The following LAMA1 variants were observed in gnomAD, a reference collection of about 807,000 sequenced individuals.
LAMA1 encodes the protein laminin subunit alpha 1.
In LAMA1, 219 loss-of-function variants were observed where a neutral mutation model predicts 348.7. The observed-to-expected ratio is 0.63, with a 90% CI of 0.56 to 0.70. The LOEUF is 0.70. Among genes scored for constraint, LAMA1 ranks in the 30% least tolerant of loss-of-function variants. LAMA1 has a pLI of 0.00. For synonymous variants in LAMA1, 1,487 were observed against 1,491.0 expected (o/e 1.00, Z 0.06); for missense variants, 3,744 against 3,888.0 (o/e 0.96, Z 0.99).
chr18:7,011,892 A>G lies in LAMA1; in HGVS notation c.3507+103T>C. The stretch of plus-strand genomic sequence containing the variant: ...AGCTTCCTAGAATTTTGGATGCCAT[A>G]AGAGCAAAATTTAATGTGAACACTT... On this transcript the variant is annotated intron_variant, in intron 24 of 62. Coordinates refer to ENST00000389658, the MANE Select transcript of LAMA1 (RefSeq NM_005559.4). The G allele has an allele frequency of 5.6e-6, 8 of 1,417,470 alleles. No individual in the cohort carries two copies. The South Asian group carries it at 6.5e-5, about 12-fold the overall frequency. 87.8% of individuals were successfully genotyped at this position (1,417,470 alleles called of 1,614,324 possible). A position where few individuals can be genotyped will look rare whatever the true frequency, so the allele number is the denominator to read the frequency against.
chr18:6,961,562 C>T, intron 53 of LAMA1, 24 bp downstream of exon 53: 2 of 1,612,458 alleles, frequency 1.2e-6, no homozygotes, highest in Non-Finnish European at 1.7e-6. Context: ...GAGCTTGGGG[C>T]TCAGGAGCAC....
intron 7 of LAMA1, among the ~76,000 whole-genome samples, chr18:7,043,689 T>C (rs1191295171): frequency 6.6e-6 from 1 of 152,200 alleles, no homozygotes; most frequent in East Asian, 1.9e-4. Flanking sequence ...GGTTAATCAC[T>C]GCACCATTGT....
rs564082140 is a variant in LAMA1 at position 7,074,207 on chromosome 18, T to C, written c.345+5768A>G. On this transcript the variant is annotated intron_variant, in intron 3 of 62. Transcript: ENST00000389658. ...CCACAGTGCACAGGGTTCCATTTTCTTCACATCCTCACCAACACTTATTAT... is the reference window on the plus strand; with the variant it reads ...CCACAGTGCACAGGGTTCCATTTTCCTCACATCCTCACCAACACTTATTAT... 2.0e-5 allele frequency among the ~76,000 whole-genome samples: 3 copies of C among 152,274 alleles called. No homozygotes were observed. The South Asian group carries it at 6.2e-4, about 32-fold the overall frequency.
chr18:7,107,179 C>T (rs1362249155), intron 1 of LAMA1, among the ~76,000 whole-genome samples: 7 of 144,988 alleles, frequency 4.8e-5, no homozygotes, highest in African/African-American at 1.6e-4. Context: ...AGTGCAGTGG[C>T]GTGATCCTGG....
At chr18:7,025,944 G>A in intron 17 of LAMA1, 35 bp downstream of exon 17, 4 of 1,590,348 alleles carry the variant, frequency 2.5e-6, no homozygotes, top group South Asian at 2.3e-5. Flanking sequence ...TCCTGGCCAT[G>A]CTGGCAGGAA....
At chr18:7,021,957 GAC>G in intron 19 of LAMA1, among the ~76,000 whole-genome samples, 1 of 150,984 alleles carries the variant, frequency 6.6e-6, no homozygotes, top group South Asian at 2.1e-4. Flanking sequence ...TTACCGCACT[GAC>G]TTCTCAGAAA....
chr18:6,963,212 A>C (rs950939504), intron 51 of LAMA1, among the ~76,000 whole-genome samples: 8 of 152,178 alleles, frequency 5.3e-5, no homozygotes, highest in Admixed American at 2.0e-4. Context: ...TCTACTGAGA[A>C]CATCTGTGAT....
intron 3 of LAMA1, among the ~76,000 whole-genome samples, chr18:7,076,329 T>TACTA (rs2058168250): frequency 1.3e-5 from 2 of 152,190 alleles, no homozygotes; most frequent in Non-Finnish European, 2.9e-5. Flanking sequence ...TTAGCACCAC[T>TACTA]ACTAGTGGGA....
At chr18:6,997,667 G>T in intron 33 of LAMA1, 75 bp downstream of exon 33, 2 of 1,500,338 alleles carry the variant, frequency 1.3e-6, no homozygotes, top group Non-Finnish European at 1.9e-6. Context: ...CACATGGAAT[G>T]ACTCCCACCA....
In LAMA1 at chr18:6,941,895, T is replaced by G; in HGVS notation, c.*184A>C. On this transcript the variant is annotated 3_prime_UTR_variant, in exon 63 of 63. Transcript: ENST00000389658. ...GAGCCAGGGAATTCAATTTACATTT[T>G]AGACCATTTAATGGAGGTATTTGTT... 7.3e-6 allele frequency: 5 copies of G among 682,098 alleles called. No homozygotes were observed. The highest frequency in any genetic ancestry group is 1.3e-5 in the Non-Finnish European group (5 of 394,040). 42.3% of individuals were successfully genotyped at this position (682,098 alleles called of 1,614,324 possible).
At chr18:6,982,455 C>A (rs758157168) in intron 41 of LAMA1, 42 bp downstream of exon 41, 1 of 1,526,576 alleles carries the variant, frequency 6.6e-7, no homozygotes, top group Non-Finnish European at 9.1e-7. Context: ...GAGACGCTCA[C>A]GCTCACTCTG....
chr18:6,973,569 T>C (rs2057668049), intron 46 of LAMA1, among the ~76,000 whole-genome samples: 1 of 152,194 alleles, frequency 6.6e-6, no homozygotes, highest in Admixed American at 6.5e-5. Context: ...AGTGATTACC[T>C]CTGAAGGATT....
intron 3 of LAMA1, among the ~76,000 whole-genome samples, chr18:7,066,813 G>C (rs2058124580): frequency 6.6e-6 from 1 of 151,606 alleles, no homozygotes; most frequent in Non-Finnish European, 1.5e-5. Context: ...CAATGTTTTT[G>C]AAAAAAATAA....
rs143853128 is a variant in LAMA1 at position 6,977,872 on chromosome 18, G to A, written c.6200C>T (p.Ala2067Val). 5.0e-5 allele frequency: 80 copies of A among 1,612,002 alleles called. No homozygotes were observed. The African/African-American group carries it at 7.9e-4, about 16-fold the overall frequency. Residue 2067 changes from alanine to valine, a missense_variant, in exon 44 of 63, where the codon GCT (alanine) becomes GTT (valine). Physicochemically the swap from Ala to Val is moderately conservative, Grantham distance 64. Coordinates refer to ENST00000389658, the MANE Select transcript of LAMA1 (RefSeq NM_005559.4). ...LQDSTMATLLAGRKVKDVEIQ... is the reference protein window; with the variant it reads ...LQDSTMATLLVGRKVKDVEIQ... ...TTCCACGTCTTTGACTTTTCTTCCAGCCAACAGAGCTAACAAATACAAGAA... is the reference window on the plus strand; with the variant it reads ...TTCCACGTCTTTGACTTTTCTTCCAACCAACAGAGCTAACAAATACAAGAA...
rs943916194 is a variant in LAMA1, at chr18:7,037,657, C to G, written c.1658G>C (p.Ser553Thr). The G allele has an allele frequency of 8.7e-6, 14 of 1,614,094 alleles. No homozygotes were observed. The highest frequency in any genetic ancestry group is 1.7e-5 in the Admixed American group (1 of 60,006). Residue 553 changes from serine (S) to threonine (T), a missense_variant, in exon 12 of 63, where the codon AGC becomes ACC. Physicochemically the swap from Ser to Thr is moderately conservative, Grantham distance 58 (BLOSUM62 1). Around this residue, in one of 3 missense-constraint regions of LAMA1, gnomAD observed 1,529 missense variants for 1,689.4 expected, o/e 0.91. Coordinates refer to ENST00000389658, the MANE Select transcript of LAMA1 (RefSeq NM_005559.4). The part of the protein sequence containing the change: ...QDALGGRHQV[S>T]INNTAVMQRL... ...CTGCATGACCGCGGTGTTGTTGATGCTGACCTGATGGCGCCCGCCTAGTGC... is the reference window on the plus strand; with the variant it reads ...CTGCATGACCGCGGTGTTGTTGATGGTGACCTGATGGCGCCCGCCTAGTGC...
chr18:6,977,707 C>A lies in LAMA1; in HGVS notation c.6345+20G>T, dbSNP rs1402921866. The A allele has an allele frequency of 1.2e-6, 2 of 1,613,728 alleles. No homozygotes were observed. Among genetic ancestry groups the A allele is most frequent in the Non-Finnish European group, 1.7e-6 (2 of 1,179,844 alleles). The stretch of plus-strand genomic sequence containing the variant: ...ATGACTGAGAGCCCAGTTACGAAAG[C>A]CACGGGGCCCCAAACTCACAGAAGC... On this transcript the variant is annotated intron_variant, in intron 44 of 62. Transcript: ENST00000389658.
chr18:7,032,115 C>T lies in LAMA1; in HGVS notation c.2225G>A (p.Cys742Tyr). The T allele has an allele frequency of 6.2e-7, 1 of 1,614,208 alleles. No homozygotes were observed. Among genetic ancestry groups the T allele is most frequent in the Non-Finnish European group, 8.5e-7 (1 of 1,180,036 alleles). Residue 742 changes from cysteine to tyrosine, a missense_variant, in exon 16 of 63, where the codon TGT becomes TAT. This residue lies in a region of LAMA1 where 1,529 missense variants were observed against 1,689.4 expected (regional missense o/e 0.91). Coordinates refer to ENST00000389658, the MANE Select transcript of LAMA1 (RefSeq NM_005559.4). ...CTCAGCTGCATGGCCGTGGCATTCA[C>T]AGGGTTGACAAATTCCTCCAAAGAG... is the stretch of plus-strand genomic sequence containing the variant. ...GILFGGICQP[C>Y]ECHGHAAECN...
chr18:6,955,480 C>T lies in LAMA1; in HGVS notation c.8095-15G>A, dbSNP rs770153887. The T allele has an allele frequency of 3.1e-6, 5 of 1,600,712 alleles. No homozygotes were observed. The highest frequency in any genetic ancestry group is 2.7e-5 in the African/African-American group (2 of 74,626). ...ACACACTGTTCCTGTAAGAGACACACAGGGACACTCAGCCGCCACCCGCAG... is the reference window on the plus strand; with the variant it reads ...ACACACTGTTCCTGTAAGAGACACATAGGGACACTCAGCCGCCACCCGCAG... On this transcript the variant is annotated splice_polypyrimidine_tract_variant and intron_variant, in intron 56 of 62. Transcript: ENST00000389658.
chr18:7,032,228 T>C (rs2057973375), intron 15 of LAMA1, 52 bp from the exon 16 acceptor site: 1 of 1,156,832 alleles, frequency 8.6e-7, no homozygotes, highest in Non-Finnish European at 1.3e-6. Context: ...AAACAGAAAC[T>C]GCTCAGTTGC....
Sources: gnomAD v4.1 joint callset for allele counts (sites outside exome capture counted in the v4.1 genomes callset) on GRCh38, gnomAD v4.1.1 for gene constraint, gnomAD v4.1.1 regional missense constraint, MANE v1.5 for transcripts, NCBI Gene and HGNC (gene_info 2026-07-23, HGNC 2026-07-21) for gene names.